S1PR5: variants seen among roughly 807,000 people sequenced by gnomAD.
The protein encoded by S1PR5 is sphingosine 1-phosphate receptor 5.
For synonymous variants in S1PR5, 307 were observed against 284.7 expected (o/e 1.08, Z -0.79); for missense variants, 583 against 571.7 (o/e 1.02, Z -0.20).
Position 10,514,511 on chromosome 19 carries a change from G to T in S1PR5, c.501C>A (p.Leu167=). The T allele has an allele frequency of 1.3e-6, 2 of 1,596,832 alleles. No homozygotes were observed. The highest frequency in any genetic ancestry group is 1.7e-6 in the Non-Finnish European group (2 of 1,172,882). ...AAWGVSLLLG[L]LPALGWNCLG... ...GGCAATTCCAGCCCAGCGCTGGCAG[G>T]AGCCCGAGGAGCAGCGACACGCCCC... The change falls in exon 2 of 2, where the codon CTC becomes CTA. Residue 167 remains leucine, a synonymous_variant. Coordinates refer to ENST00000333430, the MANE Select transcript of S1PR5 (RefSeq NM_030760.5).
upstream of S1PR5, chr19:10,517,579 C>T (rs1472664592): frequency 2.0e-6 from 2 of 985,380 alleles, no homozygotes; most frequent in Non-Finnish European, 2.4e-6. Flanking sequence ...TGGCTGCCAG[C>T]CTGTGCCACT....
chr19:10,515,568 G>A (rs1480762795), intron 1 of S1PR5, among the ~76,000 whole-genome samples: 2 of 152,024 alleles, frequency 1.3e-5, no homozygotes, highest in African/African-American at 2.4e-5. Flanking sequence ...AGCCGAGATC[G>A]CATCACTGCA....
Position 10,514,888 on chromosome 19 carries a change from C to A in S1PR5, c.124G>T (p.Val42Leu), listed in dbSNP as rs769527790. 1 of 1,611,882 alleles carries A rather than the reference C, an allele frequency of 6.2e-7. No individual in the cohort carries two copies. The highest frequency in any genetic ancestry group is 2.2e-5 in the East Asian group (1 of 44,842). Residue 42 changes from valine to leucine, a missense_variant, in exon 2 of 2, where the codon GTG (valine) becomes TTG (leucine). Coordinates refer to ENST00000333430, the MANE Select transcript of S1PR5 (RefSeq NM_030760.5). ...PGAGLRADAV[V>L]CLAVCAFIVL... ...ATGAAGGCGCACACCGCCAGGCACA[C>A]CACGGCGTCGGCGCGCAGGCCGGCA...
In S1PR5 at chr19:10,514,471, C is replaced by T. The variant is rs1915377102; in HGVS notation, c.541G>A (p.Ala181Thr). Residue 181 changes from alanine to threonine, a missense_variant, in exon 2 of 2, where the codon GCT (alanine) becomes ACT (threonine). Transcript: ENST00000333430. ...TAGAGCGGCAAGACAGTGGAGCAAGCGTCCAGGCGACCCAGGCAATTCCAG... is the reference window on the plus strand; with the variant it reads ...TAGAGCGGCAAGACAGTGGAGCAAGTGTCCAGGCGACCCAGGCAATTCCAG... The part of the protein sequence containing the change: ...LGWNCLGRLD[A>T]CSTVLPLYAK... 1 of 1,607,658 alleles carries T rather than the reference C, an allele frequency of 6.2e-7. No individual in the cohort carries two copies. The highest frequency in any genetic ancestry group is 1.3e-5 in the African/African-American group (1 of 74,952).
Position 10,513,901 on chromosome 19 carries a change from C to T in S1PR5, c.1111G>A (p.Asp371Asn), listed in dbSNP as rs751393670. ...GTGGAGCCGCTGGTGTCCAGCCCGT[C>T]GCGCTGGGGCGATGAGCGCTCCGAG... ...SGSERSSPQR[D>N]GLDTSGSTGS... The change falls in exon 2 of 2, where the codon GAC (aspartate) becomes AAC (asparagine). Residue 371 changes from aspartate to asparagine, a missense_variant. Coordinates refer to ENST00000333430, the MANE Select transcript of S1PR5 (RefSeq NM_030760.5). 2 of 1,609,608 alleles carry T rather than the reference C, an allele frequency of 1.2e-6. No individual in the cohort carries two copies. Among genetic ancestry groups the T allele is most frequent in the Non-Finnish European group, 1.7e-6 (2 of 1,178,994 alleles).
rs1915378416 is a variant in S1PR5 at position 10,514,522 on chromosome 19, G to A, written c.490C>T (p.Leu164Phe). ...MAAAAWGVSLLLGLLPALGWN... is the reference protein window; with the variant it reads ...MAAAAWGVSLFLGLLPALGWN... ...CCCAGCGCTGGCAGGAGCCCGAGGA[G>A]CAGCGACACGCCCCAGGCCGCGGCT... The change falls in exon 2 of 2, where the codon CTC becomes TTC. Residue 164 changes from leucine (L) to phenylalanine (F), a missense_variant. Transcript: ENST00000333430. 1 of 1,592,598 alleles carries A rather than the reference G, an allele frequency of 6.3e-7. No individual in the cohort carries two copies. The highest frequency in any genetic ancestry group is 8.5e-7 in the Non-Finnish European group (1 of 1,170,918).
In S1PR5 at chr19:10,514,357, C is replaced by T. The variant is rs199585523; in HGVS notation, c.655G>A (p.Val219Ile). 2.0e-3 allele frequency: 3,146 copies of T among 1,578,996 alleles called. 4 individuals carry two copies. Among genetic ancestry groups the T allele is most frequent in the Non-Finnish European group, 2.6e-3 (2,980 of 1,164,382 alleles). Residue 219 changes from valine (V) to isoleucine (I), a missense_variant, in exon 2 of 2, where the codon GTA becomes ATA. Physicochemically the swap from Val to Ile is conservative, Grantham distance 29 (BLOSUM62 3). Transcript: ENST00000333430. ...GGCAGGCGCCGCGCGTTGGCGCGTA[C>T]CTGGCAGTAGATGCGCGCGTAGAGT... ...CALYARIYCQVRANARRLPAR... is the reference protein window; with the variant it reads ...CALYARIYCQIRANARRLPAR...
chr19:10,516,005 G>A lies in S1PR5; in HGVS notation c.-18-976C>T, dbSNP rs183938748. 5.3e-5 allele frequency among the ~76,000 whole-genome samples: 8 copies of A among 152,028 alleles called. No individual in the cohort carries two copies. The East Asian group carries it at 1.2e-3, about 22-fold the overall frequency. ...GTAAACACACAGAACGCACACAAAC[G>A]CAACACACACAGAAAGAGACACACA... On this transcript the variant is annotated intron_variant, in intron 1 of 1. Transcript: ENST00000333430.
intron 1 of S1PR5, among the ~76,000 whole-genome samples, chr19:10,515,444 T>C (rs1247910876): frequency 6.6e-6 from 1 of 152,034 alleles, no homozygotes; most frequent in Non-Finnish European, 1.5e-5. Flanking sequence ...CCCCTCCGTC[T>C]CTGCTAAAAA....
rs1025584843 is a variant in S1PR5, at chr19:10,513,877, T to G, written c.1135A>C (p.Thr379Pro). The G allele has an allele frequency of 1.2e-6, 2 of 1,611,398 alleles. No individual in the cohort carries two copies. Among genetic ancestry groups the G allele is most frequent in the African/African-American group, 2.7e-5 (2 of 74,832 alleles). The change falls in exon 2 of 2, where the codon ACA (threonine) becomes CCA (proline). Residue 379 changes from threonine to proline, a missense_variant. Coordinates refer to ENST00000333430, the MANE Select transcript of S1PR5 (RefSeq NM_030760.5). The part of the protein sequence containing the change: ...QRDGLDTSGS[T>P]GSPGAPTAAR... ...GCTGTGGGTGCACCGGGGCTGCCTG[T>G]GGAGCCGCTGGTGTCCAGCCCGTCG...
intron 1 of S1PR5, among the ~76,000 whole-genome samples, chr19:10,515,793 T>C (rs898763960): frequency 6.6e-6 from 1 of 152,044 alleles, no homozygotes; most frequent in African/African-American, 2.4e-5. Context: ...TGTTGGTGTA[T>C]GCCTATAGTC....
In S1PR5 at chr19:10,513,569, T is replaced by A. The variant is rs1467335510; in HGVS notation, c.*246A>T. The A allele has an allele frequency of 3.3e-6, 2 of 598,262 alleles. No individual in the cohort carries two copies. Among genetic ancestry groups the A allele is most frequent in the Non-Finnish European group, 5.8e-6 (2 of 346,936 alleles). 37.1% of individuals were successfully genotyped at this position (598,262 alleles called of 1,614,324 possible). On this transcript the variant is annotated 3_prime_UTR_variant, in exon 2 of 2. Transcript: ENST00000333430. ...TCCCTGACCACCATCACCATCTCTG[T>A]CGTTTGTCACTGGAATCATCTCCAT...
In S1PR5 at chr19:10,514,659, G is replaced by A. The variant is rs1471442584; in HGVS notation, c.353C>T (p.Ala118Val). 4 of 1,605,712 alleles carry A rather than the reference G, an allele frequency of 2.5e-6. No individual in the cohort carries two copies. Among genetic ancestry groups the A allele is most frequent in the Non-Finnish European group, 3.4e-6 (4 of 1,177,982 alleles). ...GAGGCTCAGCACGGACGCAGTGAGT[G>A]CCACGAAGACGCCTCCCTCCCGTGC... ...WFAREGGVFVALTASVLSLLA... is the reference protein window; with the variant it reads ...WFAREGGVFVVLTASVLSLLA... The change falls in exon 2 of 2, where the codon GCA becomes GTA. Residue 118 changes from alanine to valine, a missense_variant. Ala to Val is a moderately conservative substitution (Grantham distance 64, BLOSUM62 0). Transcript: ENST00000333430.
rs1022278099 is a variant in S1PR5 at position 10,514,598 on chromosome 19, C to A, written c.414G>T (p.Ala138=). 6.3e-7 allele frequency: 1 copy of A among 1,581,452 alleles called. No individual in the cohort carries two copies. Among genetic ancestry groups the A allele is most frequent in the Non-Finnish European group, 8.6e-7 (1 of 1,165,926 alleles). Residue 138 remains alanine (A), a synonymous_variant, in exon 2 of 2, where the codon GCG becomes GCT. Coordinates refer to ENST00000333430, the MANE Select transcript of S1PR5 (RefSeq NM_030760.5). The part of the protein sequence containing the change: ...AIALERSLTM[A]RRGPAPVSSR... ...TGGAGACGGGCGCGGGCCCCCTGCG[C>A]GCCATGGTGAGGCTGCGCTCCAGCG... is the stretch of plus-strand genomic sequence containing the variant.
rs113615794 is a variant in S1PR5 at position 10,516,607 on chromosome 19, CAAAAAA to C, written c.-19+785_-19+790del. Among the ~76,000 whole-genome samples the C allele has an allele frequency of 1.0e-2, 915 of 91,808 alleles. 11 individuals are homozygous for C. The highest frequency in any genetic ancestry group is 0.037 in the African/African-American group (867 of 23,162). The allele number at this position is 91,808 out of a possible 152,430, so 60.2% of individuals were successfully genotyped here. A position where few individuals can be genotyped will look rare whatever the true frequency, so the allele number is the denominator to read the frequency against. ...GGGTGACAAGAGAGAAACTCCGTCT[CAAAAAA>C]AAAAAAAAAAAAAAAAGTTGATCCT... On this transcript the variant is annotated intron_variant, in intron 1 of 1. Coordinates refer to ENST00000333430, the MANE Select transcript of S1PR5 (RefSeq NM_030760.5).
intron 1 of S1PR5, 92 bp downstream of exon 1, chr19:10,517,306 G>T: frequency 1.1e-6 from 1 of 909,494 alleles, no homozygotes. Context: ...GGAGTGGTGC[G>T]CCTTTTTAGA....
rs755134847 is a variant in S1PR5 at position 10,514,417 on chromosome 19, G to C, written c.595C>G (p.Leu199Val). ...YAKAYVLFCV[L>V]AFVGILAAIC... ...GCGGCCAGGATGCCCACGAAGGCGA[G>C]CACGCAGAAGAGCACGTAGGCCTTG... The change falls in exon 2 of 2, where the codon CTC becomes GTC. Residue 199 changes from leucine to valine, a missense_variant. Leu to Val is a conservative substitution (Grantham distance 32). Transcript: ENST00000333430. 7 of 1,609,504 alleles carry C rather than the reference G, an allele frequency of 4.3e-6. No individual in the cohort carries two copies. The Admixed American group carries it at 1.2e-4, about 27-fold the overall frequency.
rs1290954422 is a variant in S1PR5 at position 10,513,472 on chromosome 19, G to GGCCTTCCATTTT, written c.*342_*343insAAAATGGAAGGC. The GGCCTTCCATTTT allele has an allele frequency of 6.1e-6, 3 of 494,036 alleles. No individual in the cohort carries two copies. The highest frequency in any genetic ancestry group is 1.1e-5 in the Non-Finnish European group (3 of 284,352). 30.6% of individuals were successfully genotyped at this position (494,036 alleles called of 1,614,324 possible). The stretch of plus-strand genomic sequence containing the variant: ...GCATGCCATTCCCTCATCCTGAAAT[G>GGCCTTCCATTTT]CTTTTCTTTTGGTCTTCCCAGGACA... On this transcript the variant is annotated 3_prime_UTR_variant, in exon 2 of 2. Transcript: ENST00000333430.
Position 10,513,679 on chromosome 19 carries a change from T to G in S1PR5, c.*136A>C. On this transcript the variant is annotated 3_prime_UTR_variant, in exon 2 of 2. Transcript: ENST00000333430. The stretch of plus-strand genomic sequence containing the variant: ...CAGATTTTTTGTCTGTTTGTTCACA[T>G]TGTGGGGTGTCGCTGCATAAATACA... The G allele has an allele frequency of 4.8e-6, 6 of 1,240,206 alleles. No individual in the cohort carries two copies. The highest frequency in any genetic ancestry group is 3.1e-5 in the African/African-American group (2 of 64,412). The allele number at this position is 1,240,206 out of a possible 1,614,324, so 76.8% of individuals were successfully genotyped here. A position where few individuals can be genotyped will look rare whatever the true frequency, so the allele number is the denominator to read the frequency against.
Sources: allele counts gnomAD v4.1 joint callset (sites outside exome capture counted in the v4.1 genomes callset), GRCh38; gene constraint gnomAD v4.1.1; transcripts MANE v1.5; gene names NCBI Gene and HGNC (gene_info 2026-07-23, HGNC 2026-07-21).